The following MS4A14 variants were observed in gnomAD, a reference collection of about 807,000 sequenced individuals.
The protein encoded by MS4A14 is membrane spanning 4-domains A14.
In MS4A14, 18 loss-of-function variants were observed where a neutral mutation model predicts 16.7. That is an observed-to-expected ratio of 1.08 (90% CI 0.75 to 1.60). MS4A14 has a LOEUF of 1.60. Among genes scored for constraint, MS4A14 ranks in the 40% most tolerant of loss-of-function variants. The pLI, the probability that MS4A14 is intolerant of heterozygous loss-of-function variation, is 0.00. For synonymous variants in MS4A14, 305 were observed against 289.4 expected, an observed-to-expected ratio of 1.05 and a Z score of -0.55; for missense variants, 812 against 775.3, an observed-to-expected ratio of 1.05 and a Z score of -0.56.
chr11:60,415,016 A>T (rs1423901267), intron 4 of MS4A14, among the ~76,000 whole-genome samples: 1 of 151,920 alleles, frequency 6.6e-6, no homozygotes, highest in African/African-American at 2.4e-5. Flanking sequence ...TTATATGTTG[A>T]TGTACAGATA....
rs1366462858 is a variant in MS4A14, at chr11:60,416,047, T to C, written c.1079T>C (p.Ile360Thr). 1.2e-6 allele frequency: 2 copies of C among 1,613,494 alleles called. No homozygotes were observed. The change falls in exon 5 of 5, where the codon ATA (isoleucine) becomes ACA (threonine). Residue 360 changes from isoleucine to threonine, a missense_variant. Coordinates refer to ENST00000300187, the MANE Select transcript of MS4A14 (RefSeq NM_032597.5). ...GCTAATGACCTGCCCCCTCAAGGCA[T>C]ACTATCCCAAGACACATCATCTCAA... is the stretch of plus-strand genomic sequence containing the variant. Reference protein sequence around the residue: ...LTANDLPPQGILSQDTSSQDM... With the variant: ...LTANDLPPQGTLSQDTSSQDM...
intron 2 of MS4A14, among the ~76,000 whole-genome samples, chr11:60,399,041 A>C (rs1220670128): frequency 1.3e-5 from 2 of 152,218 alleles, no homozygotes; most frequent in African/African-American, 2.4e-5. Flanking sequence ...TACTGAGCAC[A>C]TACCGCGTCT....
intron 4 of MS4A14, among the ~76,000 whole-genome samples, chr11:60,411,373 C>T (rs1157782615): frequency 6.6e-6 from 1 of 152,154 alleles, no homozygotes; most frequent in Non-Finnish European, 1.5e-5. Context: ...GACATCTTAA[C>T]AATTTTAAAT....
At chr11:60,411,612 C>T (rs1460184805) in intron 4 of MS4A14, among the ~76,000 whole-genome samples, 3 of 151,996 alleles carry the variant, frequency 2.0e-5, no homozygotes, top group Non-Finnish European at 4.4e-5. Flanking sequence ...GTGGGTTGCT[C>T]TTGTATCTTG....
intron 3 of MS4A14, 150 bp from the exon 4 acceptor site, chr11:60,402,762 G>A (rs778137641): frequency 6.6e-6 from 5 of 753,804 alleles, no homozygotes; most frequent in Non-Finnish European, 1.1e-5. Context: ...TTAGAATTTA[G>A]TTTATTAAGC....
intron 3 of MS4A14, among the ~76,000 whole-genome samples, chr11:60,401,352 C>T (rs922675710): frequency 6.6e-6 from 1 of 152,216 alleles, no homozygotes; most frequent in Non-Finnish European, 1.5e-5. Context: ...ATGTTTCCAT[C>T]CCTGCTTATG....
chr11:60,400,536 G>T (rs1203473748), intron 3 of MS4A14, 82 bp downstream of exon 3: 3 of 1,007,792 alleles, frequency 3.0e-6, no homozygotes, highest in African/African-American at 1.6e-5. Flanking sequence ...TAGTAATAAA[G>T]TTACCTTTCA....
At chr11:60,410,559 A>G (rs1466970130) in intron 4 of MS4A14, among the ~76,000 whole-genome samples, 1 of 152,116 alleles carries the variant, frequency 6.6e-6, no homozygotes, top group Non-Finnish European at 1.5e-5. Flanking sequence ...TTTCCATGAA[A>G]TGTATGGTTT....
At chr11:60,401,182 T>C (rs144724866) in intron 3 of MS4A14, among the ~76,000 whole-genome samples, 1 of 152,296 alleles carries the variant, frequency 6.6e-6, no homozygotes, top group Non-Finnish European at 1.5e-5. Flanking sequence ...AGATGATGCT[T>C]AAATGTTCAT....
At chr11:60,398,014 T>C in intron 2 of MS4A14, 34 bp downstream of exon 2, 1 of 1,608,730 alleles carries the variant, frequency 6.2e-7, no homozygotes, top group South Asian at 1.1e-5. Context: ...TTGGAGAAAT[T>C]GCTATAAAGA....
chr11:60,404,207 G>C (rs1280841953), intron 4 of MS4A14, among the ~76,000 whole-genome samples: 1 of 152,214 alleles, frequency 6.6e-6, no homozygotes, highest in South Asian at 2.1e-4. Context: ...ATTTCCTGCT[G>C]TCCATGGATG....
intron 2 of MS4A14, among the ~76,000 whole-genome samples, chr11:60,398,670 G>GAATC (rs199652019): frequency 0.015 from 2,271 of 152,144 alleles, 57 homozygotes; most frequent in African/African-American, 0.05. Flanking sequence ...ACGAACGAAT[G>GAATC]AATCAATCAA....
chr11:60,397,720 A>G, intron 1 of MS4A14, 132 bp from the exon 2 acceptor site: 2 of 792,524 alleles, frequency 2.5e-6, no homozygotes, highest in South Asian at 3.6e-5. Flanking sequence ...TCTGAGAATG[A>G]TTGACAAATG....
In MS4A14 at chr11:60,416,134, A is replaced by C. The variant is rs1230583316; in HGVS notation, c.1166A>C (p.Asp389Ala). 6.2e-7 allele frequency: 1 copy of C among 1,611,026 alleles called. No homozygotes were observed. The highest frequency in any genetic ancestry group is 1.1e-5 in the South Asian group (1 of 90,754). ...DMQSLDMLSQ[D>A]TPSHAMPPQD... ...CAATCCCTAGATATGCTATCTCAAG[A>C]CACACCATCCCACGCCATGCCACCT... The change falls in exon 5 of 5, where the codon GAC (aspartate) becomes GCC (alanine). Residue 389 changes from aspartate (D) to alanine (A), a missense_variant. Physicochemically the swap from Asp to Ala is moderately radical, Grantham distance 126. Transcript: ENST00000300187.
rs1045610156 is a variant in MS4A14, at chr11:60,407,316, C to A, written c.468+4255C>A. Among the ~76,000 whole-genome samples, 4 of 152,286 alleles carry A rather than the reference C, an allele frequency of 2.6e-5. No homozygotes were observed. The East Asian group carries it at 7.7e-4, about 29-fold the overall frequency. On this transcript the variant is annotated intron_variant, in intron 4 of 4. Transcript: ENST00000300187. Reference sequence around the variant, plus strand: ...GATTACAGGTGTGCGCCACTGCGCCCAGTCCATTTACCTTTTGATGGGTAT... The same window carrying A: ...GATTACAGGTGTGCGCCACTGCGCCAAGTCCATTTACCTTTTGATGGGTAT...
rs112388717 is a variant in MS4A14 at position 60,407,168 on chromosome 11, C to T, written c.468+4107C>T. On this transcript the variant is annotated intron_variant, in intron 4 of 4. Transcript: ENST00000300187. Reference sequence around the variant, plus strand: ...TAGCTGGGACTGCAAGCATGCGCCACCACCCCCAGCTAAATTTTTTTTGTA... The same window carrying T: ...TAGCTGGGACTGCAAGCATGCGCCATCACCCCCAGCTAAATTTTTTTTGTA... Among the ~76,000 whole-genome samples, 352 of 152,080 alleles carry T rather than the reference C, an allele frequency of 2.3e-3. 1 individual carries two copies. The highest frequency in any genetic ancestry group is 4.3e-3 in the Non-Finnish European group (290 of 67,974).
chr11:60,406,048 T>G, intron 4 of MS4A14: 2 of 1,008,372 alleles, frequency 2.0e-6, no homozygotes, highest in Non-Finnish European at 2.8e-6. Flanking sequence ...GTTGGGATAC[T>G]GCACACAATG....
rs759440595 is a variant in MS4A14 at position 60,400,464 on chromosome 11, T to C, written c.318+10T>C. The C allele has an allele frequency of 1.3e-6, 2 of 1,576,510 alleles. No individual in the cohort carries two copies. The highest frequency in any genetic ancestry group is 8.7e-7 in the Non-Finnish European group (1 of 1,148,416). ...GAAATCAAAACTTCTGGTAAGCCAC[T>C]TAAACTACATAAAATTTAAAATCTT... On this transcript the variant is annotated intron_variant, in intron 3 of 4. Coordinates refer to ENST00000300187, the MANE Select transcript of MS4A14 (RefSeq NM_032597.5).
At chr11:60,403,287 C>T (rs924507729) in intron 4 of MS4A14, 2 of 505,480 alleles carry the variant, frequency 4.0e-6, no homozygotes, top group African/African-American at 3.9e-5. Flanking sequence ...ATATTGTATT[C>T]TCTCTAAGCT....
Sources: gnomAD v4.1 joint callset for allele counts (sites outside exome capture counted in the v4.1 genomes callset) on GRCh38, gnomAD v4.1.1 for gene constraint, MANE v1.5 for transcripts, NCBI Gene and HGNC (gene_info 2026-07-23, HGNC 2026-07-21) for gene names.